Variants in MUC22 observed in about 807,000 individuals in gnomAD.
MUC22 encodes mucin-22.
MUC22 carries 24 observed loss-of-function variants against 40.3 expected under a neutral mutation model. The observed-to-expected ratio is 0.60, with a 90% CI of 0.43 to 0.84. The LOEUF is 0.84. MUC22 is among the 40% of genes least tolerant of loss of function. The pLI, the probability that MUC22 is intolerant of heterozygous loss-of-function variation, is 0.00. For missense variants in MUC22, 1,926 were observed against 2,130.7 expected (o/e 0.90, Z 1.89); for synonymous variants, 765 against 844.5 (o/e 0.91, Z 1.63).
At chr6:31,033,250 AAAGC>A (rs1275433611) in intron 3 of MUC22, among the ~76,000 whole-genome samples, 1 of 147,110 alleles carries the variant, frequency 6.8e-6, no homozygotes, top group Non-Finnish European at 1.5e-5. Context: ...AGAAAGGAAG[AAAGC>A]AAGAAAGAGA....
chr6:31,012,898 T>C (rs1763950583), intron 1 of MUC22, among the ~76,000 whole-genome samples: 1 of 152,078 alleles, frequency 6.6e-6, no homozygotes, highest in Non-Finnish European at 1.5e-5. Flanking sequence ...ACAAGCTCAG[T>C]TCTGTATGCA....
At chr6:31,026,498 C>G (rs1471625274) in exon 2 of MUC22, 1 of 1,506,272 alleles carries the variant, frequency 6.6e-7, no homozygotes, top group Non-Finnish European at 8.9e-7. Flanking sequence ...GGCTCTGAGA[C>G]CACTACAGTC....
At chr6:31,029,682 A>G (rs78632898) in exon 2 of MUC22, 1 of 1,533,374 alleles carries the variant, frequency 6.5e-7, no homozygotes, top group African/African-American at 1.4e-5. Context: ...AGGCCACCAC[A>G]TCCTCTGCTG....
chr6:31,028,803 G>A (rs960453428), exon 2 of MUC22: 3 of 1,532,368 alleles, frequency 2.0e-6, no homozygotes, highest in Non-Finnish European at 2.6e-6. Context: ...AAAGCTCTGA[G>A]ACCACTACAG....
At chr6:31,029,643 G>A (rs1765861293) in exon 2 of MUC22, 1 of 1,535,436 alleles carries the variant, frequency 6.5e-7, no homozygotes, top group South Asian at 1.2e-5. Flanking sequence ...CAGTCTCTGA[G>A]ACCACCACAG....
At chr6:31,034,491 G>C (rs1158284501) in intron 3 of MUC22, among the ~76,000 whole-genome samples, 181 bp from the exon 4 acceptor site, 1 of 152,132 alleles carries the variant, frequency 6.6e-6, no homozygotes, top group Non-Finnish European at 1.5e-5. Context: ...CGGAGAAAGA[G>C]TAAAAGAACA....
At chr6:31,026,953 G>A (rs77387993) in exon 2 of MUC22, 54,526 of 1,493,772 alleles carry the variant, frequency 0.037, 8,227 homozygotes, top group East Asian at 0.21. Flanking sequence ...GACCACTGCA[G>A]CCTCTACTGA....
chr6:31,023,442 G>T (rs1037811925), intron 1 of MUC22, among the ~76,000 whole-genome samples: 1 of 152,096 alleles, frequency 6.6e-6, no homozygotes, highest in Non-Finnish European at 1.5e-5. Flanking sequence ...ATAGTTCGGA[G>T]GCTGAGGCAG....
chr6:31,020,930 T>A (rs1764664023), intron 1 of MUC22, among the ~76,000 whole-genome samples: 1 of 152,206 alleles, frequency 6.6e-6, no homozygotes, highest in Non-Finnish European at 1.5e-5. Context: ...TGCACTGGAT[T>A]TCTCACTGGG....
intron 1 of MUC22, among the ~76,000 whole-genome samples, chr6:31,012,628 C>A (rs1763931824): frequency 6.6e-6 from 1 of 152,220 alleles, no homozygotes; most frequent in Non-Finnish European, 1.5e-5. Flanking sequence ...AAAACATAGA[C>A]TTAAATAATA....
At chr6:31,009,395 C>G (rs766433519), upstream of MUC22, among the ~76,000 whole-genome samples, 4 of 152,154 alleles carry the variant, frequency 2.6e-5, no homozygotes, top group Admixed American at 6.5e-5. Context: ...CATGCATACA[C>G]TCACCTACCC....
intron 3 of MUC22, among the ~76,000 whole-genome samples, chr6:31,033,983 T>C (rs1766266000): frequency 6.6e-6 from 1 of 152,256 alleles, no homozygotes; most frequent in South Asian, 2.1e-4. Flanking sequence ...TTATTTCATT[T>C]GCAAGATCAA....
At chr6:31,034,703 G>A (rs1294918650) in exon 4 of MUC22, 1 of 1,535,062 alleles carries the variant, frequency 6.5e-7, no homozygotes, top group Non-Finnish European at 8.7e-7. Flanking sequence ...AGATATTGTG[G>A]TATTTATTAC....
intron 1 of MUC22, among the ~76,000 whole-genome samples, chr6:31,023,170 AAAAAAAAAGGCG>A (rs898934887): frequency 4.5e-5 from 5 of 111,880 alleles, no homozygotes; most frequent in African/African-American, 1.3e-4. Flanking sequence ...GTTAATTAAA[AAAAAAAAAGGCG>A]AAAAATGGAG....
chr6:31,025,622 A>AGATCACCACAG lies in MUC22; in HGVS notation c.192_202dup (p.Asp68GlyfsTer42). ...ACTTCGGCCTTAACTACAGGCTCTAAGATCACCACAGACTCTACCACAGGC... is the reference window on the plus strand; with the variant it reads ...ACTTCGGCCTTAACTACAGGCTCTAAGATCACCACAGGATCACCACAGACTCTACCACAGGC... On this transcript the variant is annotated frameshift_variant, in exon 2 of 4. Transcript: ENST00000561890. LOFTEE classifies it high-confidence loss of function. 1 of 1,523,806 alleles carries AGATCACCACAG rather than the reference A, an allele frequency of 6.6e-7. No homozygotes were observed. The highest frequency in any genetic ancestry group is 8.8e-7 in the Non-Finnish European group (1 of 1,138,274). 94.4% of individuals were successfully genotyped at this position (1,523,806 alleles called of 1,614,324 possible).
chr6:31,029,567 C>T (rs1251740572), exon 2 of MUC22: 38 of 1,529,152 alleles, frequency 2.5e-5, no homozygotes, highest in Non-Finnish European at 3.3e-5. Context: ...ACTACAGTTT[C>T]TACCACTAGC....
At chr6:31,034,272 C>T (rs1766284146) in intron 3 of MUC22, among the ~76,000 whole-genome samples, 1 of 152,176 alleles carries the variant, frequency 6.6e-6, no homozygotes, top group African/African-American at 2.4e-5. Flanking sequence ...CTCTCAATTC[C>T]ACGTACCTGT....
At position 31,018,878 on chromosome 6, in the gene MUC22, A is replaced by G. The variant is rs1348480603; in HGVS notation, c.71-6624A>G. Among the ~76,000 whole-genome samples the G allele has an allele frequency of 2.0e-5, 3 of 152,226 alleles. No homozygotes were observed. In the East Asian group the frequency reaches 5.8e-4, roughly 29 times the overall value. On this transcript the variant is annotated intron_variant, in intron 1 of 3. Transcript: ENST00000561890. The stretch of plus-strand genomic sequence containing the variant: ...TCTGCCTTAGTGGATGCTCCTTCTC[A>G]GTCTCATTCATTTGCGTCTCCTCCT...
Position 31,026,688 on chromosome 6 carries a change from C to T in MUC22, c.1257C>T (p.Ala419=). ...CTGCAGATTCTGAGACCACTGCAGC[C>T]TCTACCACAGGCTCTGAGATGACCA... The change falls in exon 2 of 4, where the codon GCC becomes GCT. Residue 419 remains alanine (A), a synonymous_variant. Transcript: ENST00000561890. The T allele has an allele frequency of 1.3e-6, 2 of 1,506,558 alleles. 1 individual carries two copies. Among genetic ancestry groups the T allele is most frequent in the Non-Finnish European group, 1.8e-6 (2 of 1,127,958 alleles). 93.3% of individuals were successfully genotyped at this position (1,506,558 alleles called of 1,614,324 possible).
Sources: allele counts gnomAD v4.1 joint callset (sites outside exome capture counted in the v4.1 genomes callset), GRCh38; gene constraint gnomAD v4.1.1; transcripts MANE v1.5; gene names NCBI Gene and HGNC (gene_info 2026-07-23, HGNC 2026-07-21).